The following RAD51C variants were observed in gnomAD, a reference collection of about 807,000 sequenced individuals.
RAD51C encodes the protein DNA repair protein RAD51 homolog 3.
In RAD51C, 42 loss-of-function variants were observed where a neutral mutation model predicts 45.0. The ratio of observed to expected loss-of-function variants is 0.93; its 90% CI spans 0.73 to 1.21. The LOEUF is 1.21. RAD51C is among the 50% of genes most tolerant of loss of function. The pLI is 0.00. For missense variants in RAD51C, 474 were observed against 452.2 expected (o/e 1.05, Z -0.44); for synonymous variants, 172 against 159.8 (o/e 1.08, Z -0.58).
intron 4 of RAD51C, among the ~76,000 whole-genome samples, chr17:58,707,029 A>G (rs896030315): frequency 2.0e-5 from 3 of 152,164 alleles, no homozygotes; most frequent in South Asian, 2.1e-4. Context: ...CATTTTTACT[A>G]TAAGTGGTCT....
intron 5 of RAD51C, among the ~76,000 whole-genome samples, chr17:58,717,045 C>T (rs1028661991): frequency 1.1e-4 from 17 of 152,058 alleles, no homozygotes; most frequent in Admixed American, 3.3e-4. Flanking sequence ...GTGATCCGCC[C>T]GCCTCGGCCT....
At chr17:58,724,979 T>C (rs775246804) in intron 7 of RAD51C, among the ~76,000 whole-genome samples, 2 of 152,292 alleles carry the variant, frequency 1.3e-5, no homozygotes, top group Non-Finnish European at 2.9e-5. Flanking sequence ...CTGAAAAAAA[T>C]CCTGCCTGAC....
chr17:58,703,099 CA>C, intron 3 of RAD51C, 96 bp from the exon 4 acceptor site: 2 of 1,365,352 alleles, frequency 1.5e-6, no homozygotes, highest in Non-Finnish European at 2.1e-6. Context: ...TTTTGTTATC[CA>C]AAGGAGAACA....
intron 3 of RAD51C, among the ~76,000 whole-genome samples, chr17:58,700,737 G>A (rs1312556647): frequency 2.0e-5 from 3 of 152,060 alleles, no homozygotes; most frequent in Non-Finnish European, 4.4e-5. Flanking sequence ...ACCACACCTG[G>A]CCTAAAGTTT....
intron 4 of RAD51C, chr17:58,709,658 C>T (rs1598483791): frequency 2.1e-6 from 1 of 486,634 alleles, no homozygotes; most frequent in East Asian, 3.7e-5. Context: ...GTATTTGTTT[C>T]TTCATTTAGC....
chr17:58,705,437 G>T (rs1393889951), intron 4 of RAD51C, among the ~76,000 whole-genome samples: 2 of 151,580 alleles, frequency 1.3e-5, no homozygotes, highest in Non-Finnish European at 2.9e-5. Flanking sequence ...GGATTCAAGC[G>T]ATTCTCCTGC....
At chr17:58,696,640 A>G (rs926504300) in intron 2 of RAD51C, 53 bp from the exon 3 acceptor site, 1 of 1,611,244 alleles carries the variant, frequency 6.2e-7, no homozygotes, top group Admixed American at 1.7e-5. Context: ...GTTCAAAAAC[A>G]CTACCTTAGA....
intron 6 of RAD51C, among the ~76,000 whole-genome samples, chr17:58,722,370 T>C (rs1287694735): frequency 2.6e-5 from 4 of 152,220 alleles, no homozygotes. Flanking sequence ...GTGTTCTATG[T>C]CTGTGCTCTT....
chr17:58,703,933 C>CTTTTTTTTTTT lies in RAD51C; in HGVS notation c.705+621_705+631dup, dbSNP rs67254535. Among the ~76,000 whole-genome samples, 3 of 66,526 alleles carry CTTTTTTTTTTT rather than the reference C, an allele frequency of 4.5e-5. 1 individual carries two copies. Among genetic ancestry groups the CTTTTTTTTTTT allele is most frequent in the African/African-American group, 1.0e-4 (2 of 19,198 alleles). The allele number at this position is 66,526 out of a possible 152,430, so 43.6% of individuals were successfully genotyped here. On this transcript the variant is annotated intron_variant, in intron 4 of 8. Transcript: ENST00000337432. Reference sequence around the variant, plus strand: ...GAGCTACCGTGCCATCATGTATCACCTTTTTTTTTTTTTTTTTTTTTTTTT... The same window carrying CTTTTTTTTTTT: ...GAGCTACCGTGCCATCATGTATCACCTTTTTTTTTTTTTTTTTTTTTTTTTTTTTTTTTTTT...
intron 4 of RAD51C, among the ~76,000 whole-genome samples, chr17:58,705,426 C>A (rs891105714): frequency 6.6e-6 from 1 of 151,846 alleles, no homozygotes; most frequent in Non-Finnish European, 1.5e-5. Context: ...CTCCACCTCC[C>A]GGATTCAAGC....
rs34517797 is a variant in RAD51C, at chr17:58,734,588, GTT to G, written c.*388_*389del. On this transcript the variant is annotated 3_prime_UTR_variant, in exon 9 of 9. Transcript: ENST00000337432. ...AAGAAACATATCATATTCTTATTGT[GTT>G]TTTTTTTTTTTTTTTTTTTTTGGAG... 0.088 allele frequency: 9,013 copies of G among 102,378 alleles called. 108 individuals are homozygous for G. The highest frequency in any genetic ancestry group is 0.11 in the Non-Finnish European group (6,372 of 56,942). 6.3% of individuals were successfully genotyped at this position (102,378 alleles called of 1,614,324 possible).
chr17:58,709,886 G>T lies in RAD51C; in HGVS notation c.733G>T (p.Ala245Ser), dbSNP rs1431468155. The T allele has an allele frequency of 6.2e-7, 1 of 1,610,110 alleles. No individual in the cohort carries two copies. Among genetic ancestry groups the T allele is most frequent in the Non-Finnish European group, 8.5e-7 (1 of 1,176,574 alleles). Residue 245 changes from alanine to serine, a missense_variant, in exon 5 of 9, where the codon GCT (alanine) becomes TCT (serine). Coordinates refer to ENST00000337432, the MANE Select transcript of RAD51C (RefSeq NM_058216.3). ...KVRLVIVDGI[A>S]FPFRHDLDDL... ...TCGACTAGTGATAGTGGATGGTATT[G>T]CTTTTCCATTTCGTCATGACCTAGA... is the stretch of plus-strand genomic sequence containing the variant.
intron 5 of RAD51C, among the ~76,000 whole-genome samples, chr17:58,710,340 A>C (rs941879169): frequency 2.0e-5 from 3 of 150,220 alleles, no homozygotes; most frequent in East Asian, 1.9e-4. Context: ...AAAAAAAAAA[A>C]ACCAAAAATT....
rs1305264743 is a variant in RAD51C at position 58,735,186 on chromosome 17, T to C, written c.*964T>C. The C allele has an allele frequency of 6.6e-6, 1 of 152,200 alleles. No homozygotes were observed. The highest frequency in any genetic ancestry group is 2.4e-5 in the African/African-American group (1 of 41,444). The allele number at this position is 152,200 out of a possible 1,614,324, so 9.4% of individuals were successfully genotyped here. On this transcript the variant is annotated 3_prime_UTR_variant, in exon 9 of 9. Coordinates refer to ENST00000337432, the MANE Select transcript of RAD51C (RefSeq NM_058216.3). ...GAATAGGTTGATAAGCTCACAATCA[T>C]TTATTGCTACGTTTTTGTTTTTGTT...
rs1406483027 is a variant in RAD51C at position 58,712,515 on chromosome 17, T to TA, written c.837+2526dup. On this transcript the variant is annotated intron_variant, in intron 5 of 8. Transcript: ENST00000337432. ...TGCAGACTTCATGCATATACAAACT[T>TA]ACGTTTTAGAAAATGAGGTCATAGG... 1.1e-4 allele frequency among the ~76,000 whole-genome samples: 16 copies of TA among 152,196 alleles called. 1 individual carries two copies. The highest frequency in any genetic ancestry group is 6.8e-3 in the Middle Eastern group (2 of 294).
At chr17:58,696,670 G>A (rs2143742265) in intron 2 of RAD51C, 23 bp from the exon 3 acceptor site, 2 of 1,614,058 alleles carry the variant, frequency 1.2e-6, no homozygotes, top group Non-Finnish European at 1.7e-6. Flanking sequence ...TGATTTGGTT[G>A]TTTGTCATCT....
intron 7 of RAD51C, among the ~76,000 whole-genome samples, chr17:58,724,339 A>G (rs1195801665): frequency 2.0e-5 from 3 of 152,188 alleles, no homozygotes; most frequent in Non-Finnish European, 4.4e-5. Context: ...TGCACCTGAA[A>G]TGAGTAGGTG....
intron 5 of RAD51C, among the ~76,000 whole-genome samples, chr17:58,715,386 G>A (rs2048696926): frequency 6.7e-6 from 1 of 150,216 alleles, no homozygotes; most frequent in South Asian, 2.1e-4. Context: ...CCCAGGAGGC[G>A]GAGGTTGCAG....
chr17:58,715,037 A>G (rs1273005802), intron 5 of RAD51C, among the ~76,000 whole-genome samples: 1 of 152,120 alleles, frequency 6.6e-6, no homozygotes, highest in Non-Finnish European at 1.5e-5. Context: ...TCACGTTTCA[A>G]ATCTCATGCA....
Sources: allele counts gnomAD v4.1 joint callset (sites outside exome capture counted in the v4.1 genomes callset), GRCh38; gene constraint gnomAD v4.1.1; transcripts MANE v1.5; gene names NCBI Gene and HGNC (gene_info 2026-07-23, HGNC 2026-07-21).